The following NETO1 variants were observed in gnomAD, a reference collection of about 807,000 sequenced individuals.
NETO1 encodes neuropilin and tolloid like 1, also known as neuropilin and tolloid-like protein 1.
A neutral mutation model predicts 61.3 loss-of-function variants in NETO1; 26 were observed. The ratio of observed to expected loss-of-function variants is 0.42; its 90% confidence interval spans 0.31 to 0.59. The LOEUF (loss-of-function observed/expected upper bound fraction) is 0.59. Among genes scored for constraint, NETO1 ranks in the 20% least tolerant of loss-of-function variants. The pLI, the probability that NETO1 is intolerant of heterozygous loss-of-function variation, is 0.12. For synonymous variants in NETO1, 225 were observed against 225.8 expected (o/e 1.00, Z 0.03); for missense variants, 531 against 662.8 (o/e 0.80, Z 2.18).
At chr18:72,864,656 A>AT in intron 3 of NETO1, 152 bp downstream of exon 3, 1 of 1,024,842 alleles carries the variant, frequency 9.8e-7, no homozygotes, top group Non-Finnish European at 1.4e-6. Flanking sequence ...CTGATTCCAG[A>AT]TTTTACAGTT....
intron 4 of NETO1, among the ~76,000 whole-genome samples, chr18:72,851,294 C>T (rs891212139): frequency 6.6e-6 from 1 of 152,024 alleles, no homozygotes; most frequent in Non-Finnish European, 1.5e-5. Context: ...GCTTGTAATC[C>T]CAGCAACTAG....
intron 4 of NETO1, among the ~76,000 whole-genome samples, chr18:72,814,447 G>T (rs116353565): frequency 0.023 from 3,531 of 151,524 alleles, 145 homozygotes; most frequent in African/African-American, 0.081. Context: ...ATTATAGTAA[G>T]AAGAAGAAAA....
chr18:72,764,737 C>A (rs6566653), intron 7 of NETO1, among the ~76,000 whole-genome samples: 55,394 of 151,970 alleles, frequency 0.36, 10,872 homozygotes, highest in African/African-American at 0.5. Context: ...ATGATTATCA[C>A]CCTCTTCCTC....
intron 3 of NETO1, among the ~76,000 whole-genome samples, chr18:72,860,350 C>T (rs1464098707): frequency 6.6e-6 from 1 of 152,126 alleles, no homozygotes; most frequent in African/African-American, 2.4e-5. Flanking sequence ...TGTCCACACC[C>T]CATTGCTTCT....
chr18:72,804,007 T>C (rs1260385976), intron 4 of NETO1, among the ~76,000 whole-genome samples: 2 of 152,126 alleles, frequency 1.3e-5, no homozygotes, highest in Non-Finnish European at 2.9e-5. Context: ...AATGCCATTC[T>C]TCTAATTAAT....
At chr18:72,842,344 G>A (rs533274947) in intron 4 of NETO1, among the ~76,000 whole-genome samples, 67 of 151,970 alleles carry the variant, frequency 4.4e-4, no homozygotes, top group Non-Finnish European at 5.3e-4. Context: ...TACGAGTTTC[G>A]AATAAACTCA....
chr18:72,750,719 T>A, intron 8 of NETO1, 99 bp from the exon 9 acceptor site: 2 of 797,406 alleles, frequency 2.5e-6, no homozygotes, highest in Non-Finnish European at 3.8e-6. Flanking sequence ...AAACTTAAAG[T>A]AAAGCAGGCT....
chr18:72,787,888 A>G (rs1451449598), intron 6 of NETO1, among the ~76,000 whole-genome samples: 1 of 152,194 alleles, frequency 6.6e-6, no homozygotes, highest in African/African-American at 2.4e-5. Context: ...CAAAATGAGT[A>G]ATCAAATAAA....
chr18:72,847,368 G>C (rs906872387), intron 4 of NETO1, among the ~76,000 whole-genome samples: 5 of 152,198 alleles, frequency 3.3e-5, no homozygotes, highest in African/African-American at 9.6e-5. Context: ...TGAATTTCAA[G>C]CAAGTCAGCA....
chr18:72,823,627 T>C (rs1599080780), intron 4 of NETO1, among the ~76,000 whole-genome samples: 1 of 151,910 alleles, frequency 6.6e-6, no homozygotes, highest in East Asian at 1.9e-4. Flanking sequence ...AGAGCCAGGG[T>C]CAGAAAATTC....
rs551605610 is a variant in NETO1 at position 72,795,731 on chromosome 18, T to G, written c.470-1327A>C. ...AAGATAATTCACGTCTTACCACATG[T>G]ATCTATCATTTTCTTGCATAGTGAG... On this transcript the variant is annotated intron_variant, in intron 4 of 10. Transcript: ENST00000327305. Among the ~76,000 whole-genome samples, 87 of 152,352 alleles carry G rather than the reference T, an allele frequency of 5.7e-4. 1 individual carries two copies. Among genetic ancestry groups the G allele is most frequent in the Middle Eastern group, 3.4e-3 (1 of 294 alleles).
chr18:72,866,427 A>G (rs75154427), intron 1 of NETO1, among the ~76,000 whole-genome samples: 2 of 149,934 alleles, frequency 1.3e-5, no homozygotes, highest in Admixed American at 6.7e-5. Flanking sequence ...TTTCCACAGG[A>G]AAAAAAAAAT....
intron 4 of NETO1, among the ~76,000 whole-genome samples, chr18:72,838,215 T>G (rs929613947): frequency 6.6e-5 from 10 of 152,168 alleles, no homozygotes; most frequent in African/African-American, 2.4e-4. Flanking sequence ...GGAGAAAAAG[T>G]TTGTACCTTT....
At chr18:72,856,420 C>G (rs1195731411) in intron 4 of NETO1, among the ~76,000 whole-genome samples, 4 of 152,154 alleles carry the variant, frequency 2.6e-5, no homozygotes, top group Non-Finnish European at 5.9e-5. Flanking sequence ...TTCCCAATAA[C>G]CTGTACCAAG....
At chr18:72,770,604 A>G (rs2071322174) in intron 7 of NETO1, among the ~76,000 whole-genome samples, 1 of 152,176 alleles carries the variant, frequency 6.6e-6, no homozygotes, top group African/African-American at 2.4e-5. Context: ...TAATCCTTTT[A>G]AGATACATCA....
chr18:72,743,435 A>C (rs879470551), downstream of NETO1, among the ~76,000 whole-genome samples: 11 of 152,218 alleles, frequency 7.2e-5, no homozygotes, highest in Non-Finnish European at 1.5e-4. Flanking sequence ...ATTATAAAGC[A>C]TCATGTCTAT....
At chr18:72,771,008 T>C (rs1388415630) in intron 7 of NETO1, among the ~76,000 whole-genome samples, 1 of 152,208 alleles carries the variant, frequency 6.6e-6, no homozygotes, top group Non-Finnish European at 1.5e-5. Flanking sequence ...AGTAAGTTGA[T>C]TATTTTGAAG....
chr18:72,759,373 T>G (rs965495440), intron 7 of NETO1, among the ~76,000 whole-genome samples: 7 of 152,252 alleles, frequency 4.6e-5, no homozygotes, highest in African/African-American at 1.7e-4. Context: ...GAGTATATTT[T>G]ATCATCTTTT....
chr18:72,779,833 G>C (rs1408162021), intron 7 of NETO1, among the ~76,000 whole-genome samples: 2 of 152,240 alleles, frequency 1.3e-5, no homozygotes, highest in Non-Finnish European at 1.5e-5. Flanking sequence ...TAAAAAACAG[G>C]GTTTTGTTTC....
Sources: allele counts gnomAD v4.1 joint callset (sites outside exome capture counted in the v4.1 genomes callset), GRCh38; gene constraint gnomAD v4.1.1; transcripts MANE v1.5; gene names NCBI Gene and HGNC (gene_info 2026-07-23, HGNC 2026-07-21).